SOX5: variants seen among roughly 807,000 people sequenced by gnomAD.
The protein encoded by SOX5 is transcription factor SOX-5.
Under a neutral mutation model 92.0 loss-of-function variants are expected in SOX5, and 9 were observed. The observed-to-expected ratio is 0.10, with a 90% CI of 0.06 to 0.17. The LOEUF (loss-of-function observed/expected upper bound fraction) is 0.17, where lower values mean the gene tolerates loss of function less well. Among genes scored for constraint, SOX5 ranks in the 10% least tolerant of loss-of-function variants. The pLI, the probability that SOX5 is intolerant of heterozygous loss-of-function variation, is 1.00. For missense variants in SOX5, 642 were observed against 944.5 expected, an observed-to-expected ratio of 0.68 and a Z score of 4.20; for synonymous variants, 344 against 336.3, an observed-to-expected ratio of 1.02 and a Z score of -0.25.
chr12:24,219,956 C>T (rs1243017860), intron 3 of SOX5, among the ~76,000 whole-genome samples: 1 of 152,016 alleles, frequency 6.6e-6, no homozygotes, highest in African/African-American at 2.4e-5. Flanking sequence ...GGTGGTAAAA[C>T]CTTTCTGAGC....
intron 3 of SOX5, among the ~76,000 whole-genome samples, chr12:23,781,862 C>T (rs903471417): frequency 6.6e-6 from 1 of 152,066 alleles, no homozygotes; most frequent in African/African-American, 2.4e-5. Context: ...ACAGAAACTA[C>T]TTTTATTTAG....
chr12:24,529,888 C>CGGGCG (rs970606886), intron 1 of SOX5, among the ~76,000 whole-genome samples: 1 of 151,924 alleles, frequency 6.6e-6, no homozygotes, highest in Admixed American at 6.6e-5. Context: ...GGCGTGGTGG[C>CGGGCG]GGGCGCCTGT....
At chr12:24,331,348 T>A (rs1327825851) in intron 2 of SOX5, 2 of 152,184 alleles carry the variant, frequency 1.3e-5, no homozygotes, top group Non-Finnish European at 2.9e-5. Context: ...TATTGCCTCA[T>A]TCTTGAATAG....
intron 2 of SOX5, among the ~76,000 whole-genome samples, chr12:24,289,740 C>A (rs959894026): frequency 8.3e-6 from 1 of 120,612 alleles, no homozygotes; most frequent in African/African-American, 4.8e-5. Context: ...CAGGCGTGAG[C>A]CACCGCGCCC....
chr12:24,198,648 AAAG>A (rs1438711176), intron 4 of SOX5, among the ~76,000 whole-genome samples: 1 of 152,240 alleles, frequency 6.6e-6, no homozygotes, highest in Non-Finnish European at 1.5e-5. Context: ...ACCACAGGAA[AAAG>A]AAGAAAACAA....
intron 2 of SOX5, among the ~76,000 whole-genome samples, chr12:24,309,258 G>A (rs1199707012): frequency 6.6e-6 from 1 of 152,184 alleles, no homozygotes; most frequent in Non-Finnish European, 1.5e-5. Context: ...CTCTTGCAAA[G>A]GAAGGCCTAG....
intron 4 of SOX5, among the ~76,000 whole-genome samples, chr12:23,958,151 C>A (rs74785858): frequency 0.022 from 3,322 of 152,126 alleles, 63 homozygotes; most frequent in East Asian, 0.058. Flanking sequence ...GTCATCAATA[C>A]TCTTCGTGGT....
chr12:23,978,755 C>G (rs1188961170), intron 4 of SOX5, among the ~76,000 whole-genome samples: 1 of 152,014 alleles, frequency 6.6e-6, no homozygotes, highest in East Asian at 1.9e-4. Context: ...CTGGTCAACA[C>G]TAACAGAAAG....
At position 24,430,524 on chromosome 12, in the gene SOX5, T is replaced by A. The variant is rs574425885; in HGVS notation, c.-250-61885A>T. 2.0e-3 allele frequency among the ~76,000 whole-genome samples: 286 copies of A among 141,578 alleles called. 2 individuals are homozygous for A. Among genetic ancestry groups the A allele is most frequent in the African/African-American group, 7.3e-3 (275 of 37,802 alleles). The allele number at this position is 141,578 out of a possible 152,430, so 92.9% of individuals were successfully genotyped here. A position where few individuals can be genotyped will look rare whatever the true frequency, so the allele number is the denominator to read the frequency against. On this transcript the variant is annotated intron_variant, in intron 1 of 4. Transcript: ENST00000446891. Reference sequence around the variant, plus strand: ...TGAAATGAATATCCACTCTATGAGGTAAAACAGTGAAAAGAAACCACACAC... The same window carrying A: ...TGAAATGAATATCCACTCTATGAGGAAAAACAGTGAAAAGAAACCACACAC...
chr12:24,267,678 A>G (rs777701989), intron 3 of SOX5, among the ~76,000 whole-genome samples: 1 of 152,140 alleles, frequency 6.6e-6, no homozygotes. Context: ...TTGTCTTTCT[A>G]AAGAAAGACA....
At chr12:23,811,744 A>G (rs1161163668) in intron 3 of SOX5, among the ~76,000 whole-genome samples, 1 of 152,138 alleles carries the variant, frequency 6.6e-6, no homozygotes, top group East Asian at 1.9e-4. Flanking sequence ...GAAATACTGG[A>G]TGAAGTACTT....
intron 1 of SOX5, among the ~76,000 whole-genome samples, chr12:24,533,219 C>G (rs902015300): frequency 1.3e-5 from 2 of 152,040 alleles, no homozygotes; most frequent in African/African-American, 4.8e-5. Context: ...TGGTCAATTC[C>G]ATTTTGTAAG....
chr12:23,787,758 TG>T (rs1167543401), intron 3 of SOX5, among the ~76,000 whole-genome samples: 4 of 151,962 alleles, frequency 2.6e-5, no homozygotes, highest in Admixed American at 2.0e-4. Context: ...TAGTATAGGT[TG>T]ATTAAAAAAC....
chr12:23,819,140 T>C (rs763249807), intron 3 of SOX5, among the ~76,000 whole-genome samples: 2 of 152,246 alleles, frequency 1.3e-5, no homozygotes, highest in Non-Finnish European at 2.9e-5. Context: ...GTATGTGCTA[T>C]ACTTCCAAAT....
chr12:23,727,008 T>C (rs2093170683), intron 6 of SOX5, among the ~76,000 whole-genome samples: 1 of 152,094 alleles, frequency 6.6e-6, no homozygotes, highest in South Asian at 2.1e-4. Flanking sequence ...ACTGCAAAGA[T>C]TGTAGAAGAA....
At position 24,408,210 on chromosome 12, in the gene SOX5, GA is replaced by G. The variant is rs560260049; in HGVS notation, c.-250-39572del. Reference sequence around the variant, plus strand: ...AGAGGGGACATGAAGCTTTCCCATGGAAAGCGCCAAAAGACGCTTTCAGATT... The same window carrying G: ...AGAGGGGACATGAAGCTTTCCCATGGAAGCGCCAAAAGACGCTTTCAGATT... On this transcript the variant is annotated intron_variant, in intron 1 of 4. Coordinates refer to the SOX5 transcript ENST00000446891. 7.1e-3 allele frequency among the ~76,000 whole-genome samples: 1,084 copies of G among 152,290 alleles called. 14 individuals are homozygous for G. The highest frequency in any genetic ancestry group is 0.025 in the African/African-American group (1,025 of 41,554).
At chr12:23,591,563 G>T (rs535725878) in intron 9 of SOX5, among the ~76,000 whole-genome samples, 39 of 152,070 alleles carry the variant, frequency 2.6e-4, no homozygotes, top group Non-Finnish European at 5.4e-4. Flanking sequence ...TTACCTAGAG[G>T]TTCTCTTAAA....
At chr12:23,873,464 C>A (rs534106332) in intron 2 of SOX5, among the ~76,000 whole-genome samples, 13 of 152,124 alleles carry the variant, frequency 8.5e-5, no homozygotes, top group African/African-American at 3.1e-4. Flanking sequence ...CAAGGTAAGA[C>A]CCTGTCTCAA....
At chr12:24,390,929 C>T (rs529511220) in intron 1 of SOX5, among the ~76,000 whole-genome samples, 2 of 152,068 alleles carry the variant, frequency 1.3e-5, no homozygotes. Context: ...ATTTATTTTC[C>T]TTTGGACAGA....
Sources: gnomAD v4.1 joint callset for allele counts (sites outside exome capture counted in the v4.1 genomes callset) on GRCh38, gnomAD v4.1.1 for gene constraint, MANE v1.5 for transcripts, NCBI Gene and HGNC (gene_info 2026-07-23, HGNC 2026-07-21) for gene names.